Variants in EMSY observed in about 807,000 individuals in gnomAD.
EMSY encodes the protein BRCA2-interacting transcriptional repressor EMSY.
EMSY carries 26 observed loss-of-function variants against 134.6 expected under a neutral mutation model. The ratio of observed to expected loss-of-function variants is 0.19; its 90% CI spans 0.14 to 0.27. The LOEUF (loss-of-function observed/expected upper bound fraction) is 0.27, where lower values mean the gene tolerates loss of function less well. EMSY is among the 10% of genes least tolerant of loss of function. EMSY has a pLI of 1.00. For synonymous variants in EMSY, 579 were observed against 577.8 expected, an observed-to-expected ratio of 1.00 and a Z score of -0.03; for missense variants, 1,305 against 1,611.4, an observed-to-expected ratio of 0.81 and a Z score of 3.26.
intron 3 of EMSY, 106 bp downstream of exon 3, chr11:76,452,063 A>T: frequency 1.5e-6 from 1 of 677,496 alleles, no homozygotes; most frequent in East Asian, 3.2e-5. Context: ...TGAAGAACAG[A>T]GGTGTTCAAA....
chr11:76,512,733 A>C (rs1159621443), intron 9 of EMSY, among the ~76,000 whole-genome samples: 1 of 151,662 alleles, frequency 6.6e-6, no homozygotes, highest in Non-Finnish European at 1.5e-5. Flanking sequence ...AAAAAAAAAA[A>C]AAACCATAAA....
chr11:76,454,429 C>G (rs1047144639), intron 4 of EMSY, among the ~76,000 whole-genome samples: 1 of 151,950 alleles, frequency 6.6e-6, no homozygotes, highest in Admixed American at 6.6e-5. Context: ...AATCTAGTTG[C>G]TAGGCTAACA....
intron 9 of EMSY, among the ~76,000 whole-genome samples, chr11:76,500,252 G>A (rs1448671461): frequency 2.0e-5 from 3 of 152,138 alleles, no homozygotes; most frequent in African/African-American, 7.2e-5. Context: ...GTTACTTAAT[G>A]TTAATATAAT....
chr11:76,472,945 T>A, intron 8 of EMSY, 105 bp downstream of exon 9: 1 of 1,249,416 alleles, frequency 8.0e-7, no homozygotes, highest in Non-Finnish European at 1.1e-6. Flanking sequence ...GTCCCTACTA[T>A]TAGACCCAAG....
chr11:76,447,938 A>G (rs1431767493), intron 2 of EMSY, among the ~76,000 whole-genome samples: 1 of 152,210 alleles, frequency 6.6e-6, no homozygotes, highest in Non-Finnish European at 1.5e-5. Context: ...CATTATTTAG[A>G]TATCTGTGAT....
At chr11:76,492,837 C>T (rs1366752164) in intron 8 of EMSY, among the ~76,000 whole-genome samples, 3 of 152,166 alleles carry the variant, frequency 2.0e-5, no homozygotes, top group African/African-American at 7.2e-5. Context: ...AGCTACCTAG[C>T]ACACACTCAG....
At chr11:76,525,937 A>G (rs1590975858) in intron 12 of EMSY, among the ~76,000 whole-genome samples, 1 of 152,162 alleles carries the variant, frequency 6.6e-6, no homozygotes, top group East Asian at 1.9e-4. Flanking sequence ...TAGACATTCT[A>G]CTATATATCC....
intron 9 of EMSY, among the ~76,000 whole-genome samples, chr11:76,500,859 A>G (rs1304477406): frequency 6.6e-6 from 1 of 152,218 alleles, no homozygotes; most frequent in Non-Finnish European, 1.5e-5. Flanking sequence ...ACAAATAACT[A>G]TGCAAATAAC....
chr11:76,483,640 T>C (rs939863863), intron 8 of EMSY, among the ~76,000 whole-genome samples: 2 of 151,936 alleles, frequency 1.3e-5, no homozygotes, highest in African/African-American at 4.8e-5. Flanking sequence ...CCAACAAAGA[T>C]CAAAGAAGAC....
At chr11:76,523,257 G>A (rs1715089876) in exon 12 of EMSY, 1 of 1,613,094 alleles carries the variant, frequency 6.2e-7, no homozygotes, top group Non-Finnish European at 8.5e-7. Context: ...GGCCTCCCGG[G>A]CAAAAATGTT....
chr11:76,540,735 A>G (rs1201690620), intron 17 of EMSY, among the ~76,000 whole-genome samples: 1 of 114,380 alleles, frequency 8.7e-6, no homozygotes, highest in Non-Finnish European at 2.1e-5. Context: ...GACTTTTCTA[A>G]ACAGGAAGTC....
intron 8 of EMSY, among the ~76,000 whole-genome samples, chr11:76,476,923 A>G (rs953894695): frequency 6.6e-6 from 1 of 152,144 alleles, no homozygotes; most frequent in Non-Finnish European, 1.5e-5. Context: ...TTAAGAGGAA[A>G]TATATCGTCG....
chr11:76,521,998 T>A (rs1277532574), intron 11 of EMSY, among the ~76,000 whole-genome samples: 1 of 152,122 alleles, frequency 6.6e-6, no homozygotes, highest in Non-Finnish European at 1.5e-5. Context: ...CACTCCCGTC[T>A]GGGTGACACA....
At chr11:76,463,929 T>C in exon 7 of EMSY, 1 of 1,614,180 alleles carries the variant, frequency 6.2e-7, no homozygotes, top group East Asian at 2.2e-5. Flanking sequence ...GTTGTTCCAG[T>C]CTCAAAGACG....
At chr11:76,503,321 A>AG (rs1237044978) in intron 9 of EMSY, among the ~76,000 whole-genome samples, 77 of 148,632 alleles carry the variant, frequency 5.2e-4, no homozygotes, top group Non-Finnish European at 8.7e-4. Flanking sequence ...AAAAAAAAAA[A>AG]AAGAAGAAGA....
intron 8 of EMSY, among the ~76,000 whole-genome samples, chr11:76,494,111 A>G (rs901480019): frequency 7.2e-5 from 11 of 152,262 alleles, no homozygotes; most frequent in East Asian, 3.8e-4. Context: ...CATCTCTGCC[A>G]GTGCCTGGAG....
At chr11:76,472,096 C>T (rs1482589393) in intron 7 of EMSY, among the ~76,000 whole-genome samples, 1 of 152,202 alleles carries the variant, frequency 6.6e-6, no homozygotes, top group Admixed American at 6.5e-5. Context: ...GTGACATATA[C>T]TTACATTTCT....
At chr11:76,460,176 T>C in intron 6 of EMSY, 91 bp downstream of exon 7, 2 of 1,433,212 alleles carry the variant, frequency 1.4e-6, no homozygotes, top group Admixed American at 3.7e-5. Flanking sequence ...ATTAAATCAT[T>C]GGTCCACTAG....
chr11:76,494,622 C>T (rs1016853437), intron 8 of EMSY, among the ~76,000 whole-genome samples: 4 of 151,670 alleles, frequency 2.6e-5, no homozygotes, highest in African/African-American at 9.7e-5. Flanking sequence ...ACCTTGCCTG[C>T]CTGCCTGCCT....
Sources: allele counts gnomAD v4.1 joint callset (sites outside exome capture counted in the v4.1 genomes callset), GRCh38; gene constraint gnomAD v4.1.1; transcripts MANE v1.5; gene names NCBI Gene and HGNC (gene_info 2026-07-23, HGNC 2026-07-21).